Variants in CNP observed in about 807,000 individuals in gnomAD.
The protein encoded by CNP is 2',3'-cyclic-nucleotide 3'-phosphodiesterase.
CNP carries 8 observed loss-of-function variants against 37.9 expected under a neutral mutation model. The ratio of observed to expected loss-of-function variants is 0.21; its 90% CI spans 0.12 to 0.38. The LOEUF is 0.38. Among genes scored for constraint, CNP ranks in the 10% least tolerant of loss-of-function variants. The pLI is 1.00. For missense variants in CNP, 457 were observed against 551.0 expected (o/e 0.83, Z 1.71); for synonymous variants, 237 against 238.3 (o/e 0.99, Z 0.05).
rs2051085952 is a variant in CNP, at chr17:41,976,585, A to G, written c.*2661A>G. 2.0e-6 allele frequency: 2 copies of G among 991,824 alleles called. No individual in the cohort carries two copies. The highest frequency in any genetic ancestry group is 1.7e-5 in the African/African-American group (1 of 58,480). The allele number at this position is 991,824 out of a possible 1,614,324, so 61.4% of individuals were successfully genotyped here. A position where few individuals can be genotyped will look rare whatever the true frequency, so the allele number is the denominator to read the frequency against. On this transcript the variant is annotated 3_prime_UTR_variant, in exon 4 of 4. Coordinates refer to ENST00000393892, the MANE Select transcript of CNP (RefSeq NM_033133.5). ...GCATTGGTTCCCTTTGCTCCACCCCACTCACAGAGACACAGGGCATCCAAC... is the reference window on the plus strand; with the variant it reads ...GCATTGGTTCCCTTTGCTCCACCCCGCTCACAGAGACACAGGGCATCCAAC...
At position 41,973,248 on chromosome 17, in the gene CNP, G is replaced by A. The variant is rs551171558; in HGVS notation, c.817-227G>A. Among the ~76,000 whole-genome samples, 12 of 152,334 alleles carry A rather than the reference G, an allele frequency of 7.9e-5. 1 individual carries two copies. The highest frequency in any genetic ancestry group is 2.9e-4 in the African/African-American group (12 of 41,574). On this transcript the variant is annotated intron_variant, in intron 3 of 3. Transcript: ENST00000393892. ...CCTCAGGAAGTCCGGCTGTCCCCGT[G>A]TGGCCCTGTCTGAGCGCCTTCGTGT...
chr17:41,969,439 A>G (rs1555643482), intron 2 of CNP, among the ~76,000 whole-genome samples: 1 of 152,208 alleles, frequency 6.6e-6, no homozygotes, highest in African/African-American at 2.4e-5. Flanking sequence ...TTTTGCTCCA[A>G]TGATAGGTTT....
chr17:41,967,566 C>T, intron 1 of CNP: 1 of 723,944 alleles, frequency 1.4e-6, no homozygotes, highest in Non-Finnish European at 1.7e-6. Flanking sequence ...CCCCCACCAG[C>T]CCTTCTGTGG....
At position 41,974,075 on chromosome 17, in the gene CNP, C is replaced by G; in HGVS notation, c.*151C>G. On this transcript the variant is annotated 3_prime_UTR_variant, in exon 4 of 4. Transcript: ENST00000393892. ...TTTTAAAAACTTGTAAAATAACTGA[C>G]CCTCCCTTCCTGTCCGCCCTCTTCC... 1.6e-6 allele frequency: 1 copy of G among 639,738 alleles called. No individual in the cohort carries two copies. The highest frequency in any genetic ancestry group is 2.4e-6 in the Non-Finnish European group (1 of 419,784). 39.6% of individuals were successfully genotyped at this position (639,738 alleles called of 1,614,324 possible). A position where few individuals can be genotyped will look rare whatever the true frequency, so the allele number is the denominator to read the frequency against.
Position 41,968,883 on chromosome 17 carries a change from C to T in CNP, c.676+143C>T, listed in dbSNP as rs539082381. 2.7e-4 allele frequency: 261 copies of T among 984,560 alleles called. No individual in the cohort carries two copies. In the African/African-American group the frequency reaches 3.9e-3, roughly 15 times the overall value. 61.0% of individuals were successfully genotyped at this position (984,560 alleles called of 1,614,324 possible). On this transcript the variant is annotated intron_variant, in intron 2 of 3. Coordinates refer to ENST00000393892, the MANE Select transcript of CNP (RefSeq NM_033133.5). This position sits in a 1 kb window ranked among gnomAD's most constrained non-coding sequence, Gnocchi z 4.8. Reference sequence around the variant, plus strand: ...TCACCTCAGCGGGGGCAGGGGCAAGCGGTGCGTCCCAGTGGTAGCCTTGGG... The same window carrying T: ...TCACCTCAGCGGGGGCAGGGGCAAGTGGTGCGTCCCAGTGGTAGCCTTGGG...
At chr17:41,967,530 C>T in intron 1 of CNP, 3 of 358,566 alleles carry the variant, frequency 8.4e-6, no homozygotes, top group Non-Finnish European at 1.2e-5. Flanking sequence ...GAAAGAGGGC[C>T]TTTGTCCAGT....
chr17:41,973,888 G>A lies in CNP; in HGVS notation c.1230G>A (p.Arg410=), dbSNP rs782233811. 2.6e-6 allele frequency: 4 copies of A among 1,563,486 alleles called. No individual in the cohort carries two copies. Among genetic ancestry groups the A allele is most frequent in the Non-Finnish European group, 3.5e-6 (4 of 1,152,988 alleles). Residue 410 remains arginine, a synonymous_variant, in exon 4 of 4, where the codon CGG becomes CGA. Coordinates refer to ENST00000393892, the MANE Select transcript of CNP (RefSeq NM_033133.5). The part of the protein sequence containing the change: ...KGKPVPTQGS[R]KGGALQSCTI... ...AACCTGTGCCCACGCAAGGTAGCCG[G>A]AAGGGGGGCGCCTTGCAGTCCTGCA...
At position 41,973,681 on chromosome 17, in the gene CNP, C is replaced by G; in HGVS notation, c.1023C>G (p.Ala341=). The G allele has an allele frequency of 6.2e-7, 1 of 1,613,808 alleles. No homozygotes were observed. Among genetic ancestry groups the G allele is most frequent in the Non-Finnish European group, 8.5e-7 (1 of 1,179,918 alleles). The change falls in exon 4 of 4, where the codon GCC becomes GCG. Residue 341 remains alanine, a synonymous_variant. Transcript: ENST00000393892. ...TCGGCTGTGCAGCTGACGTAGAGGCCGTGCAGACGGGCCTTGACCTCTTAG... is the reference window on the plus strand; with the variant it reads ...TCGGCTGTGCAGCTGACGTAGAGGCGGTGCAGACGGGCCTTGACCTCTTAG... The part of the protein sequence containing the change: ...ITLGCAADVE[A]VQTGLDLLEI...
chr17:41,973,614 C>T lies in CNP; in HGVS notation c.956C>T (p.Pro319Leu), dbSNP rs371715005. ...CCGAGTGATGTGGACAAGCTGTCAC[C>T]CACTGACAACCTGCCGCGGGGGAGC... Reference protein sequence around the residue: ...LWPSDVDKLSPTDNLPRGSRA... With the variant: ...LWPSDVDKLSLTDNLPRGSRA... Residue 319 changes from proline to leucine, a missense_variant, in exon 4 of 4, where the codon CCC becomes CTC. Pro to Leu is a moderately conservative substitution (Grantham distance 98). Transcript: ENST00000393892. 1 of 1,614,198 alleles carries T rather than the reference C, an allele frequency of 6.2e-7. No individual in the cohort carries two copies. Among genetic ancestry groups the T allele is most frequent in the Non-Finnish European group, 8.5e-7 (1 of 1,180,050 alleles).
In CNP at chr17:41,968,041, C is replaced by T. The variant is rs782780464; in HGVS notation, c.4-27C>T. 1.3e-6 allele frequency: 2 copies of T among 1,591,436 alleles called. No homozygotes were observed. Among genetic ancestry groups the T allele is most frequent in the Non-Finnish European group, 1.7e-6 (2 of 1,166,512 alleles). On this transcript the variant is annotated intron_variant, in intron 1 of 3. Coordinates refer to ENST00000393892, the MANE Select transcript of CNP (RefSeq NM_033133.5). This position sits in a 1 kb window ranked among gnomAD's most constrained non-coding sequence, Gnocchi z 4.8. The stretch of plus-strand genomic sequence containing the variant: ...GCGGGGAGCCCGCGAATGACCTGGG[C>T]TGACATCTCTTCCCCTCCTTACACA...
chr17:41,969,953 T>C (rs1247108066), intron 2 of CNP, among the ~76,000 whole-genome samples: 2 of 152,210 alleles, frequency 1.3e-5, no homozygotes, highest in Non-Finnish European at 2.9e-5. Flanking sequence ...TTTGTGCCTG[T>C]ATGGGTTCTC....
In CNP at chr17:41,968,058, C is replaced by G; in HGVS notation, c.4-10C>G. ...GACCTGGGCTGACATCTCTTCCCCT[C>G]CTTACACAGAACAGAGGCTTCTCCC... On this transcript the variant is annotated splice_polypyrimidine_tract_variant and intron_variant, in intron 1 of 3. Transcript: ENST00000393892. This position sits in a 1 kb window ranked among gnomAD's most constrained non-coding sequence, Gnocchi z 4.8. The G allele has an allele frequency of 1.2e-6, 2 of 1,606,346 alleles. No homozygotes were observed. The highest frequency in any genetic ancestry group is 1.7e-6 in the Non-Finnish European group (2 of 1,175,446).
In CNP at chr17:41,968,716, G is replaced by C; in HGVS notation, c.652G>C (p.Ala218Pro). 3 of 1,611,808 alleles carry C rather than the reference G, an allele frequency of 1.9e-6. No individual in the cohort carries two copies. Among genetic ancestry groups the C allele is most frequent in the South Asian group, 1.1e-5 (1 of 91,026 alleles). ...CCTGGAAGAGCTGGGGAACCACAAG[G>C]CCTTCAAGAAGGAGCTGCGACAATG... is the stretch of plus-strand genomic sequence containing the variant. Reference protein sequence around the residue: ...VFLEELGNHKAFKKELRQFVP... With the variant: ...VFLEELGNHKPFKKELRQFVP... Residue 218 changes from alanine (A) to proline (P), a missense_variant, in exon 2 of 4, where the codon GCC becomes CCC. Transcript: ENST00000393892. The surrounding 1 kb of genome is among the most constrained non-coding windows in gnomAD (Gnocchi z 4.8).
In CNP at chr17:41,974,133, G is replaced by A; in HGVS notation, c.*209G>A. On this transcript the variant is annotated 3_prime_UTR_variant, in exon 4 of 4. Coordinates refer to ENST00000393892, the MANE Select transcript of CNP (RefSeq NM_033133.5). Reference sequence around the variant, plus strand: ...TGCTCACGCTCCCAACACAAGGTGGGCAGGGAGGCACCATTCAGGAACCTG... The same window carrying A: ...TGCTCACGCTCCCAACACAAGGTGGACAGGGAGGCACCATTCAGGAACCTG... 1 of 424,798 alleles carries A rather than the reference G, an allele frequency of 2.4e-6. No homozygotes were observed. Among genetic ancestry groups the A allele is most frequent in the East Asian group, 4.0e-5 (1 of 25,314 alleles). The allele number at this position is 424,798 out of a possible 1,614,324, so 26.3% of individuals were successfully genotyped here.
Position 41,966,806 on chromosome 17 carries a change from C to T in CNP, c.-79C>T. ...GCTCGGGTCGTGCCACCGCTGGACT[C>T]CCGTGTCCCTCCGCGCAGGCGGGCG... On this transcript the variant is annotated 5_prime_UTR_variant, in exon 1 of 4. Transcript: ENST00000393892. 1.5e-6 allele frequency: 2 copies of T among 1,379,050 alleles called. No homozygotes were observed. The highest frequency in any genetic ancestry group is 1.6e-5 in the South Asian group (1 of 63,172). The allele number at this position is 1,379,050 out of a possible 1,614,324, so 85.4% of individuals were successfully genotyped here.
intron 3 of CNP, among the ~76,000 whole-genome samples, chr17:41,973,168 C>T (rs1420651625): frequency 9.2e-5 from 14 of 152,212 alleles, no homozygotes; most frequent in African/African-American, 2.9e-4. Flanking sequence ...GCCAAGGCAC[C>T]GAGAGGTCAG....
chr17:41,966,986 G>A, intron 1 of CNP, 99 bp downstream of exon 1: 2 of 1,233,574 alleles, frequency 1.6e-6, no homozygotes, highest in African/African-American at 1.6e-5. Context: ...AGGACCCGGG[G>A]CTCCGGGTTC....
At chr17:41,970,421 C>CG (rs2050969147) in intron 2 of CNP, 1 of 112,642 alleles carries the variant, frequency 8.9e-6, no homozygotes, top group Admixed American at 9.5e-5. Context: ...TTTTTTGAGA[C>CG]GGGGGTCTTG....
chr17:41,971,021 C>T (rs1235748494), intron 2 of CNP: 1 of 152,262 alleles, frequency 6.6e-6, no homozygotes, highest in African/African-American at 2.4e-5. Flanking sequence ...GTTGTGACTG[C>T]TTGTCCAGAT....
Sources: allele counts gnomAD v4.1 joint callset (sites outside exome capture counted in the v4.1 genomes callset), GRCh38; gene constraint gnomAD v4.1.1; non-coding constraint Gnocchi (gnomAD v3.1); transcripts MANE v1.5; gene names NCBI Gene and HGNC (gene_info 2026-07-23, HGNC 2026-07-21).